The following PTPRD variants were observed in gnomAD, a reference collection of about 807,000 sequenced individuals.
PTPRD encodes the protein receptor-type tyrosine-protein phosphatase delta.
PTPRD carries 34 observed loss-of-function variants against 214.5 expected under a neutral mutation model. That is an observed-to-expected ratio of 0.16 (90% confidence interval 0.12 to 0.21). PTPRD has a LOEUF of 0.21. Among genes scored for constraint, PTPRD ranks in the 10% least tolerant of loss-of-function variants. The pLI is 1.00. For missense variants in PTPRD, 2,545 were observed against 2,398.7 expected (o/e 1.06, Z -1.27); for synonymous variants, 1,128 against 845.7 (o/e 1.33, Z -5.79).
At chr9:9,467,627 C>T (rs76084305) in intron 8 of PTPRD, among the ~76,000 whole-genome samples, 160 of 116,328 alleles carry the variant, frequency 1.4e-3, no homozygotes, top group African/African-American at 4.1e-3. Context: ...CAGAAATGAC[C>T]GCATCTCTTA....
rs71485332 is a variant in PTPRD, at chr9:10,438,008, CAT to C, written c.-599-96993_-599-96992del. On this transcript the variant is annotated intron_variant, in intron 2 of 45. Transcript: ENST00000381196. ...CTGGACTATCAGCTCCCTAAGTCTACATATATATATATATATATATAGTGAAG... is the reference window on the plus strand; with the variant it reads ...CTGGACTATCAGCTCCCTAAGTCTACATATATATATATATATATAGTGAAG... Among the ~76,000 whole-genome samples the C allele has an allele frequency of 1.4e-3, 180 of 124,782 alleles. 5 individuals carry two copies. Among genetic ancestry groups the C allele is most frequent in the African/African-American group, 2.6e-3 (67 of 25,970 alleles). 81.9% of individuals were successfully genotyped at this position (124,782 alleles called of 152,430 possible).
intron 4 of PTPRD, among the ~76,000 whole-genome samples, chr9:10,002,516 C>A: frequency 6.7e-6 from 1 of 149,770 alleles, no homozygotes; most frequent in East Asian, 2.0e-4. Context: ...AAACTGTTAC[C>A]AAAAGAAAAC....
chr9:8,972,616 A>G (rs1287625625), intron 11 of PTPRD, among the ~76,000 whole-genome samples: 1 of 152,008 alleles, frequency 6.6e-6, no homozygotes, highest in African/African-American at 2.4e-5. Context: ...AATAACCTTG[A>G]TATTAATATG....
At chr9:8,874,761 T>C (rs1165221612) in intron 11 of PTPRD, among the ~76,000 whole-genome samples, 1 of 152,248 alleles carries the variant, frequency 6.6e-6, no homozygotes, top group African/African-American at 2.4e-5. Flanking sequence ...ATAATTATAT[T>C]TGTTTCATAC....
intron 3 of PTPRD, among the ~76,000 whole-genome samples, chr9:10,177,080 T>C (rs183996195): frequency 2.8e-4 from 43 of 152,008 alleles, no homozygotes; most frequent in African/African-American, 1.0e-3. Context: ...ACAAATCTTA[T>C]ACATTAAAAA....
intron 10 of PTPRD, among the ~76,000 whole-genome samples, chr9:9,059,425 G>A (rs2099703157): frequency 6.6e-6 from 1 of 152,078 alleles, no homozygotes; most frequent in Non-Finnish European, 1.5e-5. Flanking sequence ...TCAGGTTAAG[G>A]ATATAGACAA....
At chr9:8,566,765 G>C (rs1420038161) in intron 14 of PTPRD, among the ~76,000 whole-genome samples, 3 of 152,176 alleles carry the variant, frequency 2.0e-5, no homozygotes, top group African/African-American at 7.2e-5. Flanking sequence ...TACATTTTAA[G>C]ATAAAAAGTG....
At chr9:10,029,040 A>G (rs969200919) in intron 4 of PTPRD, among the ~76,000 whole-genome samples, 2 of 152,126 alleles carry the variant, frequency 1.3e-5, no homozygotes, top group African/African-American at 4.8e-5. Context: ...TGTGGCTGAA[A>G]GGGGCCAACA....
At chr9:9,886,405 T>C (rs539797688) in intron 5 of PTPRD, among the ~76,000 whole-genome samples, 1 of 152,212 alleles carries the variant, frequency 6.6e-6, no homozygotes, top group South Asian at 2.1e-4. Context: ...TAAAGGATAT[T>C]AGACCTTGAG....
intron 9 of PTPRD, among the ~76,000 whole-genome samples, chr9:9,189,628 T>C (rs2099933868): frequency 1.3e-5 from 2 of 152,172 alleles, no homozygotes; most frequent in East Asian, 1.9e-4. Context: ...TTGCCCACTA[T>C]ACTGAAAAAG....
intron 2 of PTPRD, among the ~76,000 whole-genome samples, chr9:10,433,476 T>G (rs1054453834): frequency 6.6e-6 from 1 of 151,982 alleles, no homozygotes; most frequent in African/African-American, 2.4e-5. Context: ...AGGGATATCC[T>G]CTGCTCTTTG....
At chr9:9,234,023 T>A (rs190418720) in intron 9 of PTPRD, among the ~76,000 whole-genome samples, 4 of 152,142 alleles carry the variant, frequency 2.6e-5, no homozygotes, top group African/African-American at 9.7e-5. Flanking sequence ...CGGTGGGGAC[T>A]CTGTGTGGGG....
rs564802416 is a variant in PTPRD at position 9,281,884 on chromosome 9, G to C, written c.-202-98521C>G. On this transcript the variant is annotated intron_variant, in intron 9 of 45. Transcript: ENST00000381196. ...CCTACGGTAGATGAATGGATAAACT[G>C]TAGTATATCCAGATGATGAAATATT... Among the ~76,000 whole-genome samples, 38 of 151,084 alleles carry C rather than the reference G, an allele frequency of 2.5e-4. 1 individual carries two copies. The South Asian group carries it at 6.2e-3, about 25-fold the overall frequency.
intron 5 of PTPRD, among the ~76,000 whole-genome samples, chr9:9,914,438 CG>C (rs1274146811): frequency 6.6e-6 from 1 of 152,146 alleles, no homozygotes; most frequent in Non-Finnish European, 1.5e-5. Context: ...CGTGTAGCCA[CG>C]TCAGGGGCCT....
intron 3 of PTPRD, among the ~76,000 whole-genome samples, chr9:10,296,839 T>G (rs1414826911): frequency 6.6e-6 from 1 of 152,016 alleles, no homozygotes; most frequent in Non-Finnish European, 1.5e-5. Context: ...ACGATTGACC[T>G]CTCTTAGATT....
chr9:9,690,590 T>C (rs1156228457), intron 7 of PTPRD, among the ~76,000 whole-genome samples: 2 of 151,958 alleles, frequency 1.3e-5, no homozygotes, highest in Non-Finnish European at 2.9e-5. Context: ...TAGCTTCTAG[T>C]AATTTCATAG....
intron 12 of PTPRD, among the ~76,000 whole-genome samples, chr9:8,692,481 C>T (rs1053558471): frequency 6.6e-6 from 1 of 152,152 alleles, no homozygotes; most frequent in African/African-American, 2.4e-5. Flanking sequence ...ATCCCATTAA[C>T]CATTGCCTCA....
chr9:9,457,493 C>T (rs907574346), intron 8 of PTPRD, among the ~76,000 whole-genome samples: 1 of 151,880 alleles, frequency 6.6e-6, no homozygotes, highest in Non-Finnish European at 1.5e-5. Flanking sequence ...TAAAATTAAA[C>T]ACTCTGAATA....
chr9:10,350,845 A>G (rs2097169407), intron 2 of PTPRD, among the ~76,000 whole-genome samples: 1 of 152,200 alleles, frequency 6.6e-6, no homozygotes, highest in Non-Finnish European at 1.5e-5. Context: ...GGATACAGCT[A>G]TGAACAAAGA....
Sources: allele counts gnomAD v4.1 joint callset (sites outside exome capture counted in the v4.1 genomes callset), GRCh38; gene constraint gnomAD v4.1.1; transcripts MANE v1.5; gene names NCBI Gene and HGNC (gene_info 2026-07-23, HGNC 2026-07-21).